Variants in UBE2D2 observed in about 807,000 individuals in gnomAD.
The protein encoded by UBE2D2 is ubiquitin-conjugating enzyme E2 D2.
A neutral mutation model predicts 24.2 loss-of-function variants in UBE2D2; 2 were observed. The observed-to-expected ratio is 0.08, with a 90% CI of 0.03 to 0.26. The LOEUF is 0.26. UBE2D2 is among the 10% of genes least tolerant of loss of function. The pLI, the probability that UBE2D2 is intolerant of heterozygous loss-of-function variation, is 1.00. For synonymous variants in UBE2D2, 58 were observed against 56.5 expected, an observed-to-expected ratio of 1.03 and a Z score of -0.12; for missense variants, 44 against 177.6, an observed-to-expected ratio of 0.25 and a Z score of 4.28.
intron 1 of UBE2D2, among the ~76,000 whole-genome samples, chr5:139,548,042 T>G (rs1752855464): frequency 6.6e-6 from 1 of 151,490 alleles, no homozygotes; most frequent in African/African-American, 2.4e-5. Context: ...CTCACGCCTG[T>G]AATCCTAGCA....
chr5:139,618,754 A>G (rs997961315), intron 5 of UBE2D2, among the ~76,000 whole-genome samples: 2 of 152,190 alleles, frequency 1.3e-5, no homozygotes, highest in African/African-American at 2.4e-5. Context: ...CTGGATAGCT[A>G]TCCTTTAAAA....
At chr5:139,562,604 C>T (rs1753135897) in intron 1 of UBE2D2, among the ~76,000 whole-genome samples, 1 of 152,158 alleles carries the variant, frequency 6.6e-6, no homozygotes. Flanking sequence ...TTCACAGCCT[C>T]TTCGCAAAAT....
upstream of UBE2D2, among the ~76,000 whole-genome samples, chr5:139,559,650 C>T (rs1214173674): frequency 1.3e-5 from 2 of 152,190 alleles, no homozygotes; most frequent in Non-Finnish European, 1.5e-5. Context: ...CTTTGCCACT[C>T]ACCTACTGTG....
At chr5:139,608,602 A>AAAG (rs545577552) in intron 2 of UBE2D2, among the ~76,000 whole-genome samples, 6 of 151,956 alleles carry the variant, frequency 3.9e-5, no homozygotes, top group Admixed American at 6.6e-5. Flanking sequence ...TTTAAAAAAA[A>AAAG]AAGAAGAAGA....
chr5:139,612,801 A>G (rs1234188564), intron 2 of UBE2D2, among the ~76,000 whole-genome samples: 1 of 152,054 alleles, frequency 6.6e-6, no homozygotes, highest in Non-Finnish European at 1.5e-5. Flanking sequence ...TGTGTGTTTT[A>G]GTCTTGTTTT....
At chr5:139,574,713 AT>A (rs1407168553) in intron 1 of UBE2D2, among the ~76,000 whole-genome samples, 1 of 150,512 alleles carries the variant, frequency 6.6e-6, no homozygotes, top group Non-Finnish European at 1.5e-5. Context: ...CATTCAGTGA[AT>A]GCCAATATCA....
At chr5:139,600,884 C>T (rs950274520) in intron 2 of UBE2D2, among the ~76,000 whole-genome samples, 4 of 152,110 alleles carry the variant, frequency 2.6e-5, no homozygotes, top group Non-Finnish European at 5.9e-5. Context: ...CTCACTGCAG[C>T]CTCTGCTTCC....
At chr5:139,563,358 T>C (rs1335107367) in intron 1 of UBE2D2, among the ~76,000 whole-genome samples, 1 of 152,126 alleles carries the variant, frequency 6.6e-6, no homozygotes, top group Non-Finnish European at 1.5e-5. Flanking sequence ...TTTTAGACAA[T>C]AAATCTTGTA....
intron 5 of UBE2D2, among the ~76,000 whole-genome samples, chr5:139,622,223 ATTTTATT>A (rs886514268): frequency 1.1e-4 from 17 of 151,816 alleles, no homozygotes; most frequent in Middle Eastern, 3.4e-3. Flanking sequence ...TATTTGTTTT[ATTTTATT>A]TTTTATTTTT....
intron 6 of UBE2D2, among the ~76,000 whole-genome samples, chr5:139,626,081 T>C (rs1263658099): frequency 6.6e-6 from 1 of 152,092 alleles, no homozygotes; most frequent in Non-Finnish European, 1.5e-5. Context: ...TTCCCCCTTT[T>C]TTTTTGAGAC....
intron 1 of UBE2D2, among the ~76,000 whole-genome samples, chr5:139,567,529 G>GTTTT (rs33998713): frequency 2.0e-4 from 20 of 100,134 alleles, no homozygotes; most frequent in South Asian, 7.1e-4. Context: ...AATTTGCTAA[G>GTTTT]TTTTTTTTTT....
chr5:139,595,543 A>G (rs1473229730), intron 1 of UBE2D2, among the ~76,000 whole-genome samples: 1 of 151,842 alleles, frequency 6.6e-6, no homozygotes, highest in African/African-American at 2.4e-5. Flanking sequence ...ACGCCTGGCT[A>G]ATTTTTGTAC....
chr5:139,533,339 C>G (rs1752621138), intron 1 of UBE2D2, among the ~76,000 whole-genome samples: 1 of 151,550 alleles, frequency 6.6e-6, no homozygotes, highest in African/African-American at 2.4e-5. Flanking sequence ...AATTATACCT[C>G]AAAAAAGAGG....
Position 139,586,899 on chromosome 5 carries a change from C to T in UBE2D2, c.25-13473C>T, listed in dbSNP as rs138828033. On this transcript the variant is annotated intron_variant, in intron 1 of 6. Coordinates refer to ENST00000398733, the MANE Select transcript of UBE2D2 (RefSeq NM_003339.3). ...TTATCAGCATAAATACAATATAGTG[C>T]CTTGTTTAGTTTTTATAAAAAAATC... Among the ~76,000 whole-genome samples the T allele has an allele frequency of 2.2e-3, 339 of 152,092 alleles. 2 individuals carry two copies. The highest frequency in any genetic ancestry group is 7.7e-3 in the African/African-American group (319 of 41,460).
intron 1 of UBE2D2, among the ~76,000 whole-genome samples, chr5:139,599,750 C>T (rs917050497): frequency 6.6e-6 from 1 of 151,752 alleles, no homozygotes; most frequent in Non-Finnish European, 1.5e-5. Context: ...AAACAAACAA[C>T]AAACAAACAA....
At position 139,538,701 on chromosome 5, in the gene UBE2D2, T is replaced by G. The variant is rs188156932; in HGVS notation, c.-64+12089T>G. Among the ~76,000 whole-genome samples the G allele has an allele frequency of 1.7e-3, 252 of 152,030 alleles. 1 individual carries two copies. The highest frequency in any genetic ancestry group is 5.7e-3 in the African/African-American group (237 of 41,464). On this transcript the variant is annotated intron_variant, in intron 1 of 6. Transcript: ENST00000511725. ...GCCTGACCAACATGGAAAAACCCTG[T>G]CTCTACTAAAAATACAAAGGAATTA...
At chr5:139,570,616 A>G (rs918974224) in intron 1 of UBE2D2, among the ~76,000 whole-genome samples, 3 of 152,232 alleles carry the variant, frequency 2.0e-5, no homozygotes, top group Admixed American at 1.3e-4. Context: ...AGTTCAAGCA[A>G]TTCTCCAGCT....
At chr5:139,613,782 A>G (rs183239852) in intron 2 of UBE2D2, among the ~76,000 whole-genome samples, 1 of 152,298 alleles carries the variant, frequency 6.6e-6, no homozygotes, top group Non-Finnish European at 1.5e-5. Flanking sequence ...TCCCCCGTAT[A>G]CCAGCATTAT....
intron 1 of UBE2D2, among the ~76,000 whole-genome samples, chr5:139,588,566 A>G (rs1378929434): frequency 6.6e-6 from 1 of 152,202 alleles, no homozygotes; most frequent in Admixed American, 6.6e-5. Flanking sequence ...AGTACAACAA[A>G]TTAGATTATA....
Sources: allele counts gnomAD v4.1 joint callset (sites outside exome capture counted in the v4.1 genomes callset), GRCh38; gene constraint gnomAD v4.1.1; transcripts MANE v1.5; gene names NCBI Gene and HGNC (gene_info 2026-07-23, HGNC 2026-07-21).